The following ANO3 variants were observed in gnomAD, a reference collection of about 807,000 sequenced individuals.
ANO3 encodes the protein anoctamin 3.
ANO3 carries 99 observed loss-of-function variants against 144.8 expected under a neutral mutation model. The observed-to-expected ratio is 0.68, with a 90% CI of 0.58 to 0.81. The LOEUF is 0.81. Ranked by LOEUF, ANO3 falls within the 30% of genes least tolerant of loss-of-function variation. ANO3 has a pLI of 0.00. For synonymous variants in ANO3, 414 were observed against 392.6 expected, an observed-to-expected ratio of 1.05 and a Z score of -0.64; for missense variants, 905 against 1,202.2, an observed-to-expected ratio of 0.75 and a Z score of 3.66.
chr11:26,391,107 C>T (rs367684127), intron 1 of ANO3, among the ~76,000 whole-genome samples: 6 of 151,860 alleles, frequency 4.0e-5, no homozygotes, highest in African/African-American at 1.4e-4. Flanking sequence ...GGGACATTTA[C>T]GAATTAAAAA....
In ANO3 at chr11:26,574,676, C is replaced by T. The variant is rs1432502356; in HGVS notation, c.1447+14897C>T. ...ATAACATTTAATTTATTTCAATATT[C>T]TATTAGGATAGAAATAGAGGGATTA... is the stretch of plus-strand genomic sequence containing the variant. On this transcript the variant is annotated intron_variant, in intron 14 of 26. Coordinates refer to ENST00000256737, the MANE Select transcript of ANO3 (RefSeq NM_031418.4). 2.0e-5 allele frequency among the ~76,000 whole-genome samples: 3 copies of T among 152,054 alleles called. No homozygotes were observed. The East Asian group carries it at 5.8e-4, about 29-fold the overall frequency.
chr11:26,221,017 T>C (rs748283675), intron 1 of ANO3, among the ~76,000 whole-genome samples: 3 of 152,228 alleles, frequency 2.0e-5, no homozygotes, highest in Non-Finnish European at 4.4e-5. Context: ...TGGCATATTT[T>C]AGCCAAGTCT....
At chr11:26,414,285 G>A (rs2133989570) in intron 1 of ANO3, among the ~76,000 whole-genome samples, 1 of 152,098 alleles carries the variant, frequency 6.6e-6, no homozygotes, top group African/African-American at 2.4e-5. Context: ...AAAGACACAT[G>A]CACACGTATG....
chr11:26,478,763 CA>C (rs1425352229), intron 4 of ANO3, among the ~76,000 whole-genome samples: 1 of 152,078 alleles, frequency 6.6e-6, no homozygotes, highest in African/African-American at 2.4e-5. Context: ...GCCTCAATCA[CA>C]ACCAGGCAAC....
chr11:26,196,643 TGAAA>T (rs1851595199), intron 1 of ANO3, among the ~76,000 whole-genome samples: 2 of 152,168 alleles, frequency 1.3e-5, no homozygotes, highest in Admixed American at 6.5e-5. Flanking sequence ...TGTTTGGCTT[TGAAA>T]ATCAAATAAA....
chr11:26,221,503 A>G (rs1343685442), intron 1 of ANO3, among the ~76,000 whole-genome samples: 2 of 152,192 alleles, frequency 1.3e-5, no homozygotes, highest in African/African-American at 4.8e-5. Context: ...ACATCTCTGT[A>G]GAAAGAGCAG....
At chr11:26,388,041 T>A (rs1306569846) in intron 1 of ANO3, among the ~76,000 whole-genome samples, 2 of 151,294 alleles carry the variant, frequency 1.3e-5, no homozygotes, top group African/African-American at 4.8e-5. Flanking sequence ...GCTATATTTA[T>A]ATTTTTGACC....
At chr11:26,619,111 T>C (rs1852341391) in intron 17 of ANO3, among the ~76,000 whole-genome samples, 1 of 152,230 alleles carries the variant, frequency 6.6e-6, no homozygotes. Flanking sequence ...TCCAAATATT[T>C]AAATAAATTT....
intron 1 of ANO3, among the ~76,000 whole-genome samples, chr11:26,417,848 AAAT>A (rs1857636304): frequency 6.6e-6 from 1 of 152,074 alleles, no homozygotes; most frequent in African/African-American, 2.4e-5. Context: ...AGTAAAACAA[AAAT>A]AATAAAGTTA....
At chr11:26,439,989 A>G (rs1249079682) in intron 1 of ANO3, among the ~76,000 whole-genome samples, 3 of 152,202 alleles carry the variant, frequency 2.0e-5, no homozygotes, top group African/African-American at 7.2e-5. Flanking sequence ...GGCACCAACC[A>G]CAAAACCTGA....
At chr11:26,358,247 CTGCAACCTCCGCCTCCTGGG>C (rs1042439281) in intron 1 of ANO3, among the ~76,000 whole-genome samples, 1 of 146,464 alleles carries the variant, frequency 6.8e-6, no homozygotes, top group African/African-American at 2.5e-5. Flanking sequence ...TCTCAGCTCA[CTGCAACCTCCGCCTCCTGGG>C]TTCAAGCGAT....
intron 14 of ANO3, among the ~76,000 whole-genome samples, chr11:26,564,021 G>A (rs1014334091): frequency 1.3e-5 from 2 of 151,558 alleles, no homozygotes; most frequent in Admixed American, 1.3e-4. Context: ...GTCTTGCAGG[G>A]TCTCTGATTC....
At chr11:26,639,324 T>C in intron 21 of ANO3, 83 bp downstream of exon 21, 1 of 1,002,940 alleles carries the variant, frequency 1.0e-6, no homozygotes, top group Non-Finnish European at 1.6e-6. Context: ...CTTAAGAATT[T>C]GGTCTTGGTA....
intron 21 of ANO3, among the ~76,000 whole-genome samples, chr11:26,640,421 C>G (rs1431236362): frequency 1.3e-5 from 2 of 152,086 alleles, no homozygotes; most frequent in East Asian, 3.9e-4. Context: ...ACTGGGGAGC[C>G]CAGTTCATTT....
intron 1 of ANO3, among the ~76,000 whole-genome samples, chr11:26,382,124 G>A (rs1856605472): frequency 6.6e-6 from 1 of 151,958 alleles, no homozygotes; most frequent in Non-Finnish European, 1.5e-5. Context: ...ATTTCAATTT[G>A]TGCAAAGAGC....
chr11:26,608,667 G>A lies in ANO3; in HGVS notation c.1836+8953G>A, dbSNP rs535780280. Among the ~76,000 whole-genome samples, 10 of 152,256 alleles carry A rather than the reference G, an allele frequency of 6.6e-5. No individual in the cohort carries two copies. The South Asian group carries it at 2.1e-3, about 32-fold the overall frequency. On this transcript the variant is annotated intron_variant, in intron 17 of 26. Coordinates refer to ENST00000256737, the MANE Select transcript of ANO3 (RefSeq NM_031418.4). ...GAGTTATTGGAGTTCCTGCAGAGAGGCCTCGCCCAGTGAGGAGGGATGGGT... is the reference window on the plus strand; with the variant it reads ...GAGTTATTGGAGTTCCTGCAGAGAGACCTCGCCCAGTGAGGAGGGATGGGT...
chr11:26,479,608 C>T (rs1054474173), intron 4 of ANO3, among the ~76,000 whole-genome samples: 7 of 152,042 alleles, frequency 4.6e-5, no homozygotes, highest in African/African-American at 1.4e-4. Context: ...GGGAAACTGC[C>T]CCCACAATTC....
intron 1 of ANO3, among the ~76,000 whole-genome samples, chr11:26,407,072 G>GTATATATATATATATA (rs1453977441): frequency 6.9e-5 from 7 of 101,424 alleles, no homozygotes; most frequent in Non-Finnish European, 1.3e-4. Flanking sequence ...GTGTGTGTGT[G>GTATATATATATATATA]TGTGTATATA....
At position 26,544,253 on chromosome 11, in the gene ANO3, T is replaced by C. The variant is rs1493741; in HGVS notation, c.1154+2185T>C. The stretch of plus-strand genomic sequence containing the variant: ...AGGTTAAGTAGTATTTCATTATACA[T>C]ATATATATATATATATATATACACA... On this transcript the variant is annotated intron_variant, in intron 11 of 26. Transcript: ENST00000256737. 5.4e-3 allele frequency among the ~76,000 whole-genome samples: 226 copies of C among 41,650 alleles called. 17 individuals are homozygous for C. The East Asian group carries it at 0.063, about 12-fold the overall frequency. 27.3% of individuals were successfully genotyped at this position (41,650 alleles called of 152,430 possible).
Sources: gnomAD v4.1 joint callset for allele counts (sites outside exome capture counted in the v4.1 genomes callset) on GRCh38, gnomAD v4.1.1 for gene constraint, MANE v1.5 for transcripts, NCBI Gene and HGNC (gene_info 2026-07-23, HGNC 2026-07-21) for gene names.